The following MACROD2 variants were observed in gnomAD, a reference collection of about 807,000 sequenced individuals.
The protein encoded by MACROD2 is mono-ADP ribosylhydrolase 2.
MACROD2 carries 36 observed loss-of-function variants against 70.4 expected under a neutral mutation model. The ratio of observed to expected loss-of-function variants is 0.51; its 90% confidence interval spans 0.39 to 0.68. The LOEUF is 0.68. Among genes scored for constraint, MACROD2 ranks in the 30% least tolerant of loss-of-function variants. The pLI, the probability that MACROD2 is intolerant of heterozygous loss-of-function variation, is 0.00. For missense variants in MACROD2, 496 were observed against 538.4 expected, an observed-to-expected ratio of 0.92 and a Z score of 0.78; for synonymous variants, 172 against 178.8, an observed-to-expected ratio of 0.96 and a Z score of 0.30.
intron 6 of MACROD2, among the ~76,000 whole-genome samples, chr20:15,417,905 G>A (rs1032722319): frequency 6.6e-6 from 1 of 152,134 alleles, no homozygotes; most frequent in African/African-American, 2.4e-5. Context: ...ACATAGAACG[G>A]TTTTCACACT....
intron 2 of MACROD2, among the ~76,000 whole-genome samples, chr20:14,058,599 G>C (rs905642596): frequency 1.3e-5 from 2 of 149,546 alleles, no homozygotes; most frequent in East Asian, 3.9e-4. Flanking sequence ...ACTTTTACTA[G>C]AGGAGTTCTA....
At chr20:15,576,005 T>C (rs556982179) in intron 8 of MACROD2, among the ~76,000 whole-genome samples, 1 of 152,346 alleles carries the variant, frequency 6.6e-6, no homozygotes, top group South Asian at 2.1e-4. Flanking sequence ...ATCCATCTAT[T>C]CATTCAACTT....
At chr20:14,469,231 T>C (rs1600272304) in intron 3 of MACROD2, among the ~76,000 whole-genome samples, 2 of 152,174 alleles carry the variant, frequency 1.3e-5, no homozygotes, top group Non-Finnish European at 2.9e-5. Context: ...AAAATTGTTT[T>C]CTTTAAGAAT....
At chr20:15,212,984 A>G (rs1253069541) in intron 5 of MACROD2, among the ~76,000 whole-genome samples, 2 of 152,222 alleles carry the variant, frequency 1.3e-5, no homozygotes, top group Admixed American at 1.3e-4. Context: ...GATCGCCCTC[A>G]AGTTTGAAAA....
chr20:15,488,734 T>C (rs931225639), intron 7 of MACROD2, among the ~76,000 whole-genome samples: 4 of 152,212 alleles, frequency 2.6e-5, no homozygotes, highest in African/African-American at 9.6e-5. Flanking sequence ...ACGCCTTTTC[T>C]ATTCAAATGT....
intron 3 of MACROD2, among the ~76,000 whole-genome samples, chr20:14,393,605 T>G (rs973791008): frequency 5.9e-5 from 9 of 152,130 alleles, no homozygotes; most frequent in Non-Finnish European, 1.3e-4. Context: ...TCCCAGCTCC[T>G]CTCTCCCACC....
At chr20:14,849,847 A>G (rs2073180328) in intron 5 of MACROD2, 1 of 412,402 alleles carries the variant, frequency 2.4e-6, no homozygotes, top group African/African-American at 2.1e-5. Context: ...TAGCAGATAA[A>G]TGTCCCAATA....
chr20:15,292,721 C>T (rs1660337557), intron 6 of MACROD2, among the ~76,000 whole-genome samples: 1 of 152,176 alleles, frequency 6.6e-6, no homozygotes. Context: ...AATGCTACAT[C>T]ATTATTATAA....
intron 5 of MACROD2, among the ~76,000 whole-genome samples, chr20:14,937,997 T>G (rs977037003): frequency 8.6e-5 from 11 of 127,332 alleles, no homozygotes; most frequent in African/African-American, 3.5e-4. Flanking sequence ...TTGCTGCAGA[T>G]AACAAGTTTT....
intron 5 of MACROD2, among the ~76,000 whole-genome samples, chr20:14,975,733 A>G (rs1179001177): frequency 1.3e-5 from 2 of 152,010 alleles, no homozygotes; most frequent in Non-Finnish European, 2.9e-5. Flanking sequence ...CAGGTGAGGT[A>G]ATTGAGGCCC....
chr20:15,197,266 C>T (rs1242914447), intron 5 of MACROD2, among the ~76,000 whole-genome samples: 1 of 151,998 alleles, frequency 6.6e-6, no homozygotes, highest in Admixed American at 6.6e-5. Context: ...AGAAAATTTA[C>T]TTTTCTATAT....
At chr20:15,446,633 A>G (rs906068525) in intron 7 of MACROD2, among the ~76,000 whole-genome samples, 2 of 152,148 alleles carry the variant, frequency 1.3e-5, no homozygotes, top group Non-Finnish European at 2.9e-5. Flanking sequence ...CCTTGCATAT[A>G]ATTACAGGAA....
intron 3 of MACROD2, among the ~76,000 whole-genome samples, chr20:14,347,685 T>A (rs204617): frequency 6.6e-6 from 1 of 151,986 alleles, no homozygotes; most frequent in Non-Finnish European, 1.5e-5. Context: ...ATCTGTTCTG[T>A]ATTCAGAAAT....
chr20:15,528,160 G>A (rs2146541323), intron 8 of MACROD2, among the ~76,000 whole-genome samples: 1 of 152,120 alleles, frequency 6.6e-6, no homozygotes, highest in East Asian at 1.9e-4. Context: ...ATTTGAGACA[G>A]AGTCTTGCTC....
chr20:15,033,619 C>T (rs186049724), intron 5 of MACROD2, among the ~76,000 whole-genome samples: 2 of 152,274 alleles, frequency 1.3e-5, no homozygotes, highest in East Asian at 3.9e-4. Context: ...ATGGTTTGTG[C>T]TTCTAATAAA....
At chr20:14,676,634 C>A (rs1179623877) in intron 4 of MACROD2, among the ~76,000 whole-genome samples, 2 of 152,064 alleles carry the variant, frequency 1.3e-5, no homozygotes, top group African/African-American at 4.8e-5. Flanking sequence ...AAAATCGACA[C>A]CCTAACATCA....
chr20:15,093,531 G>A (rs191132792), intron 5 of MACROD2, among the ~76,000 whole-genome samples: 88 of 152,172 alleles, frequency 5.8e-4, no homozygotes, highest in African/African-American at 1.8e-3. Flanking sequence ...TTGTGAAAAG[G>A]CCTCAGTAAC....
intron 5 of MACROD2, among the ~76,000 whole-genome samples, chr20:14,960,772 T>C (rs1399634308): frequency 1.3e-5 from 2 of 152,138 alleles, no homozygotes; most frequent in Non-Finnish European, 2.9e-5. Context: ...CTTTTTTTTT[T>C]CCTTTGGAAG....
chr20:14,699,305 C>T (rs944475345), intron 5 of MACROD2, among the ~76,000 whole-genome samples: 1 of 151,984 alleles, frequency 6.6e-6, no homozygotes, highest in Non-Finnish European at 1.5e-5. Flanking sequence ...GACTGCTAGC[C>T]CAAGTGCTTA....
Sources: gnomAD v4.1 joint callset for allele counts (sites outside exome capture counted in the v4.1 genomes callset) on GRCh38, gnomAD v4.1.1 for gene constraint, MANE v1.5 for transcripts, NCBI Gene and HGNC (gene_info 2026-07-23, HGNC 2026-07-21) for gene names.